LEMD3: variants seen among roughly 807,000 people sequenced by gnomAD.
The protein encoded by LEMD3 is LEM domain containing 3.
A neutral mutation model predicts 95.2 loss-of-function variants in LEMD3; 33 were observed. The ratio of observed to expected loss-of-function variants is 0.35; its 90% CI spans 0.26 to 0.46. LEMD3 has a LOEUF of 0.46. Ranked by LOEUF, LEMD3 falls within the 20% of genes least tolerant of loss-of-function variation. The probability of loss-of-function intolerance (pLI) is 1.00; values close to 1 mark genes in which losing one functional copy is unlikely to be tolerated. For missense variants in LEMD3, 1,210 were observed against 1,192.8 expected (o/e 1.01, Z -0.21); for synonymous variants, 525 against 474.6 (o/e 1.11, Z -1.38).
rs199915804 is a variant in LEMD3, at chr12:65,170,995, A to T, written c.1399A>T (p.Ser467Cys). The change falls in exon 1 of 13, where the codon AGT becomes TGT. Residue 467 changes from serine (S) to cysteine (C), a missense_variant. Physicochemically the swap from Ser to Cys is moderately radical, Grantham distance 112. Coordinates refer to ENST00000308330, the MANE Select transcript of LEMD3 (RefSeq NM_014319.5). ...FKREEVSPTG[S>C]FSAHYLSMFL... ...ACGGGAGGAGGTGTCCCCAACAGGG[A>T]GTTTCAGTGCCCACTACTTGTCGAT... is the stretch of plus-strand genomic sequence containing the variant. 3.5e-5 allele frequency: 57 copies of T among 1,614,106 alleles called. No individual in the cohort carries two copies. The Admixed American group carries it at 9.3e-4, about 26-fold the overall frequency.
intron 1 of LEMD3, among the ~76,000 whole-genome samples, chr12:65,197,105 G>T (rs544448956): frequency 1.3e-5 from 2 of 152,198 alleles, no homozygotes; most frequent in East Asian, 3.9e-4. Context: ...TTTCTGAGTG[G>T]TTGAGGTTAA....
chr12:65,242,990 G>A (rs1459120003), intron 9 of LEMD3, among the ~76,000 whole-genome samples: 5 of 152,086 alleles, frequency 3.3e-5, no homozygotes, highest in African/African-American at 1.2e-4. Context: ...CCCAGGAGCT[G>A]TGTACAAGCA....
At chr12:65,202,011 CTT>C (rs534109719) in intron 1 of LEMD3, among the ~76,000 whole-genome samples, 20 of 131,626 alleles carry the variant, frequency 1.5e-4, no homozygotes, top group Admixed American at 4.6e-4. Flanking sequence ...GGGTATTGAA[CTT>C]TTTTTTTTTT....
rs1422389657 is a variant in LEMD3, at chr12:65,176,048, C to T, written c.1522+4930C>T. 3.9e-5 allele frequency among the ~76,000 whole-genome samples: 6 copies of T among 152,116 alleles called. No homozygotes were observed. The South Asian group carries it at 8.3e-4, about 21-fold the overall frequency. On this transcript the variant is annotated intron_variant, in intron 1 of 12. Coordinates refer to ENST00000308330, the MANE Select transcript of LEMD3 (RefSeq NM_014319.5). ...TTTGAATCAATCTTTTTCTGTCCCT[C>T]GCCACTGTTCTAGGTTAGTCTCTTG...
chr12:65,217,236 A>T (rs954211198), intron 3 of LEMD3, among the ~76,000 whole-genome samples: 1 of 152,198 alleles, frequency 6.6e-6, no homozygotes, highest in Admixed American at 6.5e-5. Flanking sequence ...CCACTCAGTT[A>T]TGTTATACCA....
intron 1 of LEMD3, among the ~76,000 whole-genome samples, chr12:65,186,292 C>T (rs1333185412): frequency 5.9e-5 from 9 of 151,744 alleles, no homozygotes; most frequent in East Asian, 5.8e-4. Flanking sequence ...ATATAACTTG[C>T]GGAGCAAGCA....
In LEMD3 at chr12:65,170,579, T is replaced by C. The variant is rs746769484; in HGVS notation, c.983T>C (p.Leu328Pro). 1.2e-6 allele frequency: 2 copies of C among 1,613,808 alleles called. No homozygotes were observed. Among genetic ancestry groups the C allele is most frequent in the African/African-American group, 1.3e-5 (1 of 74,974 alleles). ...MNDRAAAAGS[L>P]DRSRNLEEAA... ...GACAGGGCGGCGGCTGCCGGGAGTC[T>C]AGACAGGAGCCGAAACCTCGAAGAG... Residue 328 changes from leucine to proline, a missense_variant, in exon 1 of 13, where the codon CTA (leucine) becomes CCA (proline). Physicochemically the swap from Leu to Pro is moderately conservative, Grantham distance 98. Around this residue, in one of 2 missense-constraint regions of LEMD3, gnomAD observed 749 missense variants for 622.9 expected, o/e 1.20. Transcript: ENST00000308330.
chr12:65,218,654 T>C (rs1219433087), intron 4 of LEMD3, 35 bp downstream of exon 4: 7 of 1,230,774 alleles, frequency 5.7e-6, no homozygotes, highest in Non-Finnish European at 8.2e-6. Flanking sequence ...ATAGCTATAT[T>C]TTAAAAAATT....
chr12:65,194,074 A>T (rs1869333430), intron 1 of LEMD3, among the ~76,000 whole-genome samples: 1 of 152,164 alleles, frequency 6.6e-6, no homozygotes, highest in Admixed American at 6.6e-5. Flanking sequence ...AAGTTATGTG[A>T]ACTTTAAAAA....
intron 2 of LEMD3, among the ~76,000 whole-genome samples, chr12:65,213,469 C>G (rs971436553): frequency 3.3e-5 from 5 of 152,192 alleles, no homozygotes; most frequent in African/African-American, 1.2e-4. Context: ...TCAAGCAATT[C>G]TCCTGGCTCA....
At position 65,169,878 on chromosome 12, in the gene LEMD3, C is replaced by G. The variant is rs867412512; in HGVS notation, c.282C>G (p.Val94=). 7.6e-5 allele frequency: 111 copies of G among 1,452,422 alleles called. No individual in the cohort carries two copies. The Middle Eastern group carries it at 1.6e-3, about 21-fold the overall frequency. The allele number at this position is 1,452,422 out of a possible 1,614,324, so 90.0% of individuals were successfully genotyped here. A position where few individuals can be genotyped will look rare whatever the true frequency, so the allele number is the denominator to read the frequency against. ...AAAAGMGVRP[V]SGDLSYLRTP... ...CCGCGGGGATGGGGGTCCGGCCGGT[C>G]TCGGGCGACCTCTCCTACTTACGGA... Residue 94 remains valine (V), a synonymous_variant, in exon 1 of 13, where the codon GTC becomes GTG. Coordinates refer to ENST00000308330, the MANE Select transcript of LEMD3 (RefSeq NM_014319.5).
intron 4 of LEMD3, among the ~76,000 whole-genome samples, chr12:65,228,337 G>A (rs893081716): frequency 1.3e-5 from 2 of 151,578 alleles, no homozygotes; most frequent in African/African-American, 4.8e-5. Flanking sequence ...CTTAAAAAAA[G>A]ATATTAATGA....
chr12:65,193,647 A>C (rs1869314719), intron 1 of LEMD3, among the ~76,000 whole-genome samples: 1 of 151,734 alleles, frequency 6.6e-6, no homozygotes, highest in Non-Finnish European at 1.5e-5. Context: ...GAGACTGCGG[A>C]TCCCTGGCTC....
At chr12:65,244,266 C>T (rs531263147) in intron 10 of LEMD3, among the ~76,000 whole-genome samples, 24 of 145,666 alleles carry the variant, frequency 1.6e-4, no homozygotes, top group Middle Eastern at 3.4e-3. Context: ...CGTGGGCACG[C>T]GCACACACAC....
Position 65,170,664 on chromosome 12 carries a change from A to G in LEMD3, c.1068A>G (p.Arg356=). The change falls in exon 1 of 13, where the codon AGA becomes AGG. Residue 356 remains arginine (R), a synonymous_variant. Coordinates refer to ENST00000308330, the MANE Select transcript of LEMD3 (RefSeq NM_014319.5). Reference sequence around the variant, plus strand: ...AAGTGGACTCCAGCCCCGTTCCTAGATACCGTGTTAACGCTAAGAAACTGA... The same window carrying G: ...AAGTGGACTCCAGCCCCGTTCCTAGGTACCGTGTTAACGCTAAGAAACTGA... ...CDQVDSSPVP[R]YRVNAKKLTP... 1 of 1,614,170 alleles carries G rather than the reference A, an allele frequency of 6.2e-7. No homozygotes were observed. Among genetic ancestry groups the G allele is most frequent in the Non-Finnish European group, 8.5e-7 (1 of 1,180,010 alleles).
intron 4 of LEMD3, among the ~76,000 whole-genome samples, chr12:65,221,792 G>A (rs1870300599): frequency 6.7e-6 from 1 of 148,156 alleles, no homozygotes; most frequent in Non-Finnish European, 1.5e-5. Flanking sequence ...CCAGGCTGGA[G>A]TGCAGTGGTG....
intron 9 of LEMD3, 112 bp downstream of exon 9, chr12:65,241,199 G>C (rs73314766): frequency 3.4e-6 from 3 of 871,298 alleles, no homozygotes; most frequent in Non-Finnish European, 5.6e-6. Flanking sequence ...AAACTCTCTC[G>C]TTCTGTTTCG....
At chr12:65,213,561 A>C (rs1870009905) in intron 2 of LEMD3, among the ~76,000 whole-genome samples, 1 of 152,220 alleles carries the variant, frequency 6.6e-6, no homozygotes, top group South Asian at 2.1e-4. Context: ...ATTCTTGTAA[A>C]AAACTATAGT....
At chr12:65,173,385 TAAGG>T (rs1305396929) in intron 1 of LEMD3, among the ~76,000 whole-genome samples, 8 of 152,140 alleles carry the variant, frequency 5.3e-5, no homozygotes, top group Non-Finnish European at 8.8e-5. Flanking sequence ...CCTTCACTGA[TAAGG>T]AAGGAAGGAA....
Sources: allele counts gnomAD v4.1 joint callset (sites outside exome capture counted in the v4.1 genomes callset), GRCh38; gene constraint gnomAD v4.1.1; regional missense constraint gnomAD v4.1.1; transcripts MANE v1.5; gene names NCBI Gene and HGNC (gene_info 2026-07-23, HGNC 2026-07-21).